VPS37C: variants seen among roughly 807,000 people sequenced by gnomAD.
VPS37C encodes the protein vacuolar protein sorting-associated protein 37C.
VPS37C carries 9 observed loss-of-function variants against 16.1 expected under a neutral mutation model. The ratio of observed to expected loss-of-function variants is 0.56; its 90% CI spans 0.34 to 0.97. The LOEUF (loss-of-function observed/expected upper bound fraction) is 0.97, where lower values mean the gene tolerates loss of function less well. Among genes scored for constraint, VPS37C ranks in the 50% least tolerant of loss-of-function variants. The pLI, the probability that VPS37C is intolerant of heterozygous loss-of-function variation, is 0.02. For missense variants in VPS37C, 479 were observed against 472.7 expected (o/e 1.01, Z -0.12); for synonymous variants, 207 against 206.4 (o/e 1.00, Z -0.02).
Position 61,133,201 on chromosome 11 carries a change from C to G in VPS37C, c.348+54G>C, listed in dbSNP as rs753106466. 5.0e-6 allele frequency: 8 copies of G among 1,588,908 alleles called. No homozygotes were observed. In the East Asian group the frequency reaches 1.6e-4, roughly 31 times the overall value. On this transcript the variant is annotated intron_variant, in intron 4 of 4. Transcript: ENST00000301765. ...CTGCTTCTCCTTCCAAGGGCCCCTG[C>G]TGCAGGGACTGACACCCCGTCCAGG... is the stretch of plus-strand genomic sequence containing the variant.
chr11:61,139,661 C>T (rs528602278), intron 1 of VPS37C, among the ~76,000 whole-genome samples: 2 of 152,140 alleles, frequency 1.3e-5, no homozygotes, highest in South Asian at 4.2e-4. Flanking sequence ...CACAAATACA[C>T]CCGGCACCTG....
intron 1 of VPS37C, among the ~76,000 whole-genome samples, chr11:61,139,934 G>T (rs1213516553): frequency 6.6e-6 from 1 of 151,916 alleles, no homozygotes; most frequent in Non-Finnish European, 1.5e-5. Context: ...GTAGAGACAG[G>T]GTCTCACTAT....
chr11:61,134,140 A>C lies in VPS37C; in HGVS notation c.161T>G (p.Leu54Trp), dbSNP rs1590783843. Residue 54 changes from leucine to tryptophan, a missense_variant, in exon 3 of 5, where the codon TTG becomes TGG. Transcript: ENST00000301765. The part of the protein sequence containing the change: ...ATNRSLAERN[L>W]EFQGPLEISR... Reference sequence around the variant, plus strand: ...GATCTCCAGGGGACCCTGGAACTCCAAGTTCCGCTCTGCCAGGCTCCGGTT... The same window carrying C: ...GATCTCCAGGGGACCCTGGAACTCCCAGTTCCGCTCTGCCAGGCTCCGGTT... 6.2e-7 allele frequency: 1 copy of C among 1,614,002 alleles called. No individual in the cohort carries two copies. The highest frequency in any genetic ancestry group is 2.2e-5 in the East Asian group (1 of 44,868).
At chr11:61,159,734 AT>A (rs112081136) in intron 1 of VPS37C, among the ~76,000 whole-genome samples, 80,161 of 137,300 alleles carry the variant, frequency 0.58, 23,187 homozygotes, top group East Asian at 0.9. Context: ...AAATAAATAA[AT>A]AAATAAAAAA....
chr11:61,138,124 A>G (rs753837992), intron 2 of VPS37C: 3 of 152,480 alleles, frequency 2.0e-5, no homozygotes, highest in Admixed American at 6.5e-5. Flanking sequence ...CAGCCACTCA[A>G]TGGGTGACCG....
intron 1 of VPS37C, among the ~76,000 whole-genome samples, chr11:61,159,970 T>C (rs991944309): frequency 6.7e-6 from 1 of 150,140 alleles, no homozygotes; most frequent in South Asian, 2.1e-4. Context: ...ACTAGCCAGG[T>C]TATCTAACAT....
intron 2 of VPS37C, among the ~76,000 whole-genome samples, chr11:61,136,466 G>A (rs942565249): frequency 3.3e-5 from 5 of 152,056 alleles, no homozygotes; most frequent in Non-Finnish European, 7.3e-5. Flanking sequence ...GAGCTACCGC[G>A]CCCAGCCTGA....
At chr11:61,152,898 A>T (rs1458797582) in intron 1 of VPS37C, among the ~76,000 whole-genome samples, 1 of 152,250 alleles carries the variant, frequency 6.6e-6, no homozygotes, top group Non-Finnish European at 1.5e-5. Context: ...CTCAAAAGCC[A>T]GCAACTCTCT....
intron 1 of VPS37C, among the ~76,000 whole-genome samples, chr11:61,153,518 T>C (rs2134654919): frequency 6.6e-6 from 1 of 152,362 alleles, no homozygotes; most frequent in African/African-American, 2.4e-5. Flanking sequence ...ACTTCCACTT[T>C]TGGCTAATGT....
chr11:61,138,286 A>T (rs2134634243), intron 2 of VPS37C: 1 of 161,850 alleles, frequency 6.2e-6, no homozygotes, highest in Non-Finnish European at 1.4e-5. Context: ...GTCTGTGATT[A>T]AGAACTAGAG....
chr11:61,157,612 T>A (rs919610381), intron 1 of VPS37C, among the ~76,000 whole-genome samples: 2 of 152,206 alleles, frequency 1.3e-5, no homozygotes, highest in South Asian at 4.1e-4. Context: ...GTAGTAGAAG[T>A]TCTTTACATA....
At chr11:61,143,109 G>A (rs775369748) in intron 1 of VPS37C, among the ~76,000 whole-genome samples, 26 of 151,766 alleles carry the variant, frequency 1.7e-4, no homozygotes, top group Middle Eastern at 3.4e-3. Flanking sequence ...ACAGAGCGGC[G>A]TGCGGAACAC....
At chr11:61,155,436 C>T (rs1302994213) in intron 1 of VPS37C, among the ~76,000 whole-genome samples, 1 of 151,730 alleles carries the variant, frequency 6.6e-6, no homozygotes, top group Admixed American at 6.6e-5. Context: ...AAGTTTGAGG[C>T]CACAGTGAGC....
intron 1 of VPS37C, among the ~76,000 whole-genome samples, chr11:61,157,041 C>T (rs1187914685): frequency 2.0e-5 from 3 of 152,254 alleles, no homozygotes; most frequent in African/African-American, 4.8e-5. Context: ...CTTCAAGGTT[C>T]ACCTGTATTA....
chr11:61,130,562 C>T lies in VPS37C; in HGVS notation c.*1258G>A, dbSNP rs1335445553. On this transcript the variant is annotated 3_prime_UTR_variant, in exon 5 of 5. Transcript: ENST00000301765. The stretch of plus-strand genomic sequence containing the variant: ...TTCAAGGCACGTACAACTTCCTAAG[C>T]AATAGCAGCTCCAGGCTCTTCCCTG... 3.9e-6 allele frequency: 1 copy of T among 254,596 alleles called. No individual in the cohort carries two copies. The highest frequency in any genetic ancestry group is 6.3e-5 in the Admixed American group (1 of 15,900). The allele number at this position is 254,596 out of a possible 1,614,324, so 15.8% of individuals were successfully genotyped here.
In VPS37C at chr11:61,132,451, C is replaced by A; in HGVS notation, c.437G>T (p.Arg146Leu). Residue 146 changes from arginine to leucine, a missense_variant, in exon 5 of 5, where the codon CGC (arginine) becomes CTC (leucine). By Grantham distance (102) the Arg-to-Leu change is moderately radical. Transcript: ENST00000301765. ...CTGGAGCTTTTCCACGCGAACCCGG[C>A]GCAGGTGGGACAGCATCCTCATGGA... ...FSSMRMLSHL[R>L]RVRVEKLQEV... The A allele has an allele frequency of 6.2e-7, 1 of 1,613,056 alleles. No individual in the cohort carries two copies. The highest frequency in any genetic ancestry group is 1.1e-5 in the South Asian group (1 of 91,040).
At chr11:61,144,923 TGAG>T (rs1853172490) in intron 1 of VPS37C, 1 of 152,216 alleles carries the variant, frequency 6.6e-6, no homozygotes, top group South Asian at 2.1e-4. Flanking sequence ...ATGTCCCAAA[TGAG>T]GAGTGCTCAG....
In VPS37C at chr11:61,133,444, G is replaced by C. The variant is rs920325275; in HGVS notation, c.266-107C>G. ...GCATCCAGGCCCAGCCACCACAGCAGGGTCCACCAAAGGGTCCTTCTGGGT... is the reference window on the plus strand; with the variant it reads ...GCATCCAGGCCCAGCCACCACAGCACGGTCCACCAAAGGGTCCTTCTGGGT... On this transcript the variant is annotated intron_variant, in intron 3 of 4. Coordinates refer to ENST00000301765, the MANE Select transcript of VPS37C (RefSeq NM_017966.5). The C allele has an allele frequency of 4.3e-6, 5 of 1,162,926 alleles. No individual in the cohort carries two copies. In the African/African-American group the frequency reaches 7.6e-5, roughly 18 times the overall value. 72.0% of individuals were successfully genotyped at this position (1,162,926 alleles called of 1,614,324 possible).
chr11:61,130,685 A>T lies in VPS37C; in HGVS notation c.*1135T>A. 2 of 336,546 alleles carry T rather than the reference A, an allele frequency of 5.9e-6. No individual in the cohort carries two copies. The highest frequency in any genetic ancestry group is 2.3e-5 in the South Asian group (1 of 43,376). The allele number at this position is 336,546 out of a possible 1,614,324, so 20.8% of individuals were successfully genotyped here. A position where few individuals can be genotyped will look rare whatever the true frequency, so the allele number is the denominator to read the frequency against. On this transcript the variant is annotated 3_prime_UTR_variant, in exon 5 of 5. Transcript: ENST00000301765. ...TTACTGAACATGCCCCAAACCCCACAGTGCAGGGGGCTGCATATTAAACAG... is the reference window on the plus strand; with the variant it reads ...TTACTGAACATGCCCCAAACCCCACTGTGCAGGGGGCTGCATATTAAACAG...
Sources: allele counts gnomAD v4.1 joint callset (sites outside exome capture counted in the v4.1 genomes callset), GRCh38; gene constraint gnomAD v4.1.1; transcripts MANE v1.5; gene names NCBI Gene and HGNC (gene_info 2026-07-23, HGNC 2026-07-21).